MBTD1: variants seen among roughly 807,000 people sequenced by gnomAD.
The protein encoded by MBTD1 is MBT domain-containing protein 1.
In MBTD1, 24 loss-of-function variants were observed where a neutral mutation model predicts 87.8. The observed-to-expected ratio is 0.27, with a 90% confidence interval of 0.20 to 0.38. The LOEUF is 0.38. Ranked by LOEUF, MBTD1 falls within the 10% of genes least tolerant of loss-of-function variation. MBTD1 has a pLI of 1.00. For missense variants in MBTD1, 436 were observed against 760.2 expected (o/e 0.57, Z 5.02); for synonymous variants, 237 against 248.6 (o/e 0.95, Z 0.44).
intron 2 of MBTD1, among the ~76,000 whole-genome samples, chr17:51,231,972 G>A (rs755839950): frequency 1.1e-4 from 17 of 151,906 alleles, no homozygotes; most frequent in East Asian, 5.8e-4. Context: ...CTATGAGGGC[G>A]CTTAACTGGA....
Position 51,219,027 on chromosome 17 carries a change from C to T in MBTD1, c.306G>A (p.Lys102=). The T allele has an allele frequency of 6.5e-7, 1 of 1,548,216 alleles. No individual in the cohort carries two copies. Among genetic ancestry groups the T allele is most frequent in the Non-Finnish European group, 8.7e-7 (1 of 1,143,996 alleles). ...GTTGTTTCTGAAGAACTTTTGCTTT[C>T]TTTGTTGGAGGCTTACCCTAAAACA... ...LARLQGKPPT[K]KAKVLQKQPL... is the part of the protein sequence containing the mutation. Residue 102 remains lysine, a synonymous_variant, in exon 5 of 17, where the codon AAG becomes AAA. Transcript: ENST00000586178.
intron 2 of MBTD1, among the ~76,000 whole-genome samples, chr17:51,253,362 G>C (rs955567030): frequency 6.6e-6 from 1 of 152,086 alleles, no homozygotes; most frequent in Non-Finnish European, 1.5e-5. Context: ...AAGGACACAA[G>C]AACCTATGTA....
chr17:51,181,682 A>G (rs1227986221), intron 16 of MBTD1, among the ~76,000 whole-genome samples: 1 of 152,146 alleles, frequency 6.6e-6, no homozygotes, highest in African/African-American at 2.4e-5. Context: ...AGAAAAACTA[A>G]TATTAAACTC....
chr17:51,253,825 G>C (rs1355585359), intron 2 of MBTD1, among the ~76,000 whole-genome samples: 1 of 152,052 alleles, frequency 6.6e-6, no homozygotes, highest in Non-Finnish European at 1.5e-5. Flanking sequence ...AAATCTACAA[G>C]GGAATTAAAA....
chr17:51,228,323 C>T (rs1174191571), intron 2 of MBTD1, among the ~76,000 whole-genome samples: 1 of 151,868 alleles, frequency 6.6e-6, no homozygotes, highest in Non-Finnish European at 1.5e-5. Context: ...TCGACAAACC[C>T]CCATGACACA....
At chr17:51,197,157 A>T (rs2051183061) in intron 12 of MBTD1, among the ~76,000 whole-genome samples, 1 of 124,466 alleles carries the variant, frequency 8.0e-6, no homozygotes, top group African/African-American at 3.0e-5. Flanking sequence ...GCTGGAGTGC[A>T]GTGGTGCAAT....
chr17:51,252,404 C>T (rs1219303291), intron 2 of MBTD1, among the ~76,000 whole-genome samples: 2 of 152,200 alleles, frequency 1.3e-5, no homozygotes, highest in South Asian at 2.1e-4. Flanking sequence ...TTTCAGGTAA[C>T]GTGCCTTCAT....
chr17:51,247,441 C>CTTTT (rs58720477), intron 2 of MBTD1, among the ~76,000 whole-genome samples: 47 of 132,026 alleles, frequency 3.6e-4, no homozygotes, highest in African/African-American at 1.4e-3. Context: ...ATCAGTATTA[C>CTTTT]TTTTTTTTTT....
At chr17:51,253,843 T>C (rs1293196710) in intron 2 of MBTD1, among the ~76,000 whole-genome samples, 1 of 152,162 alleles carries the variant, frequency 6.6e-6, no homozygotes, top group African/African-American at 2.4e-5. Context: ...AAAAGCATAG[T>C]CATTAACTTA....
chr17:51,194,098 A>C (rs1161769748), intron 13 of MBTD1, among the ~76,000 whole-genome samples: 4 of 152,240 alleles, frequency 2.6e-5, no homozygotes, highest in Non-Finnish European at 5.9e-5. Flanking sequence ...TCTAGCACCT[A>C]ATACTATGGA....
chr17:51,258,321 C>A (rs901482965), intron 2 of MBTD1, among the ~76,000 whole-genome samples: 4 of 152,120 alleles, frequency 2.6e-5, no homozygotes, highest in African/African-American at 9.7e-5. Context: ...CTTTTAGAGG[C>A]AGCATAGCTC....
In MBTD1 at chr17:51,197,101, T is replaced by C. The variant is rs1230422894; in HGVS notation, c.1225-1740A>G. Among the ~76,000 whole-genome samples, 3 of 29,202 alleles carry C rather than the reference T, an allele frequency of 1.0e-4. 1 individual carries two copies. The highest frequency in any genetic ancestry group is 1.1e-3 in the East Asian group (1 of 944). The allele number at this position is 29,202 out of a possible 152,430, so 19.2% of individuals were successfully genotyped here. Reference sequence around the variant, plus strand: ...ATATATATATATATATATATATATATATATATATATATATATGGAGGACGG... The same window carrying C: ...ATATATATATATATATATATATATACATATATATATATATATGGAGGACGG... On this transcript the variant is annotated intron_variant, in intron 12 of 16. Transcript: ENST00000586178.
chr17:51,203,754 A>T (rs756375225), intron 8 of MBTD1, 37 bp downstream of exon 8: 1 of 1,583,542 alleles, frequency 6.3e-7, no homozygotes, highest in Non-Finnish European at 8.6e-7. Context: ...AAGTACACAT[A>T]TAAAAAAATT....
At chr17:51,181,239 A>G (rs2050300755) in intron 16 of MBTD1, among the ~76,000 whole-genome samples, 1 of 151,974 alleles carries the variant, frequency 6.6e-6, no homozygotes, top group South Asian at 2.1e-4. Context: ...GTTGGCCAGG[A>G]TGGTCTTGAT....
intron 6 of MBTD1, among the ~76,000 whole-genome samples, chr17:51,213,438 TATAC>T (rs2052375040): frequency 6.6e-6 from 1 of 152,176 alleles, no homozygotes; most frequent in South Asian, 2.1e-4. Context: ...TTCTTTGATC[TATAC>T]ATTGCACCTA....
At chr17:51,241,325 C>T (rs768361266) in intron 2 of MBTD1, among the ~76,000 whole-genome samples, 2 of 152,040 alleles carry the variant, frequency 1.3e-5, no homozygotes. Context: ...CTCCACTGTA[C>T]TTTTACTATT....
rs2051654428 is a variant in MBTD1 at position 51,204,022 on chromosome 17, A to C, written c.605-97T>G. The C allele has an allele frequency of 7.6e-6, 7 of 922,190 alleles. No individual in the cohort carries two copies. In the East Asian group the frequency reaches 1.8e-4, roughly 24 times the overall value. The allele number at this position is 922,190 out of a possible 1,614,324, so 57.1% of individuals were successfully genotyped here. A position where few individuals can be genotyped will look rare whatever the true frequency, so the allele number is the denominator to read the frequency against. ...AGTTGTCAAACTAGTGTCTATCTGC[A>C]ATACAATCACCTGCAGGGTTTGTTA... On this transcript the variant is annotated intron_variant, in intron 7 of 16. Coordinates refer to ENST00000586178, the MANE Select transcript of MBTD1 (RefSeq NM_017643.3).
intron 13 of MBTD1, 101 bp downstream of exon 13, chr17:51,195,113 A>G: frequency 1.0e-6 from 1 of 997,946 alleles, no homozygotes. Context: ...CACATTATAT[A>G]CGTACTCAGG....
chr17:51,218,486 G>A (rs933807611), intron 5 of MBTD1, among the ~76,000 whole-genome samples: 16 of 138,084 alleles, frequency 1.2e-4, no homozygotes, highest in Admixed American at 7.4e-4. Flanking sequence ...CCGAGATCAC[G>A]CCACTGAACT....
Sources: gnomAD v4.1 joint callset for allele counts (sites outside exome capture counted in the v4.1 genomes callset) on GRCh38, gnomAD v4.1.1 for gene constraint, MANE v1.5 for transcripts, NCBI Gene and HGNC (gene_info 2026-07-23, HGNC 2026-07-21) for gene names.